The following AFF2 variants were observed in gnomAD, a reference collection of about 807,000 sequenced individuals.
The protein encoded by AFF2 is ALF transcription elongation factor 2.
Under a neutral mutation model 76.9 loss-of-function variants are expected in AFF2, and 14 were observed. The ratio of observed to expected loss-of-function variants is 0.18; its 90% CI spans 0.12 to 0.28. The LOEUF (loss-of-function observed/expected upper bound fraction) is 0.28. Among genes scored for constraint, AFF2 ranks in the 10% least tolerant of loss-of-function variants. The pLI is 1.00. For missense variants in AFF2, 868 were observed against 1,001.1 expected, an observed-to-expected ratio of 0.87 and a Z score of 1.79; for synonymous variants, 398 against 366.7, an observed-to-expected ratio of 1.09 and a Z score of -0.98.
At chrX:148,870,615 G>T (rs1179284638) in intron 7 of AFF2, among the ~76,000 whole-genome samples, 1 of 112,154 alleles carries the variant, frequency 8.9e-6, no homozygotes, top group Non-Finnish European at 1.9e-5. Context: ...TCAAGGGAAG[G>T]TGGCTGTTGT....
At chrX:148,799,012 G>A (rs1278757709) in intron 3 of AFF2, among the ~76,000 whole-genome samples, 1 of 111,841 alleles carries the variant, frequency 8.9e-6, no homozygotes, top group Non-Finnish European at 1.9e-5. Flanking sequence ...GGACCTTGGG[G>A]CCATCTCTCC....
At chrX:148,828,938 T>C (rs1383734674) in intron 4 of AFF2, among the ~76,000 whole-genome samples, 2 of 111,936 alleles carry the variant, frequency 1.8e-5, no homozygotes, top group Non-Finnish European at 3.8e-5. Context: ...TACATTATAA[T>C]TAGGGCTCTT....
chrX:148,693,220 G>T (rs1288169771), intron 3 of AFF2, among the ~76,000 whole-genome samples: 1 of 111,921 alleles, frequency 8.9e-6, no homozygotes, highest in Non-Finnish European at 1.9e-5. Context: ...CCCGGCCAAG[G>T]TGCCAGGTTT....
intron 3 of AFF2, among the ~76,000 whole-genome samples, chrX:148,665,426 A>G (rs1029014182): frequency 3.6e-5 from 4 of 111,869 alleles, no homozygotes; most frequent in African/African-American, 1.3e-4. Flanking sequence ...ATAGGAGATC[A>G]GTGAAGAAAG....
intron 3 of AFF2, among the ~76,000 whole-genome samples, chrX:148,710,365 A>G (rs1294669252): frequency 1.8e-5 from 2 of 112,046 alleles, no homozygotes; most frequent in African/African-American, 6.5e-5. Context: ...CACATAGGCA[A>G]TATAGACTTG....
intron 16 of AFF2, among the ~76,000 whole-genome samples, chrX:148,975,608 T>C (rs920606932): frequency 5.6e-4 from 63 of 111,867 alleles, no homozygotes; most frequent in Non-Finnish European, 1.0e-3. Context: ...CTGCATATTC[T>C]TCTTTCTTAT....
chrX:148,896,139 A>T (rs2071281818), intron 8 of AFF2, among the ~76,000 whole-genome samples: 1 of 111,570 alleles, frequency 9.0e-6, no homozygotes, highest in Non-Finnish European at 1.9e-5. Context: ...TCTTTACTGC[A>T]TCTGCAGAGA....
At chrX:148,676,078 G>A (rs1421763390) in intron 3 of AFF2, among the ~76,000 whole-genome samples, 1 of 32,651 alleles carries the variant, frequency 3.1e-5, no homozygotes, top group African/African-American at 1.1e-4. Flanking sequence ...TTTTTTTTTT[G>A]AGACGGAGTC....
chrX:148,807,282 G>A (rs1265798207), intron 3 of AFF2, among the ~76,000 whole-genome samples: 1 of 111,954 alleles, frequency 8.9e-6, no homozygotes, highest in Non-Finnish European at 1.9e-5. Context: ...AAGACGAGAA[G>A]ACAGGACTTA....
At chrX:148,826,919 C>A (rs782340892) in intron 4 of AFF2, among the ~76,000 whole-genome samples, 1 of 110,611 alleles carries the variant, frequency 9.0e-6, no homozygotes, top group Non-Finnish European at 1.9e-5. Context: ...GAATTTGATA[C>A]CTCTGTTGGT....
intron 1 of AFF2, among the ~76,000 whole-genome samples, chrX:148,561,228 G>T (rs1230928507): frequency 1.5e-4 from 17 of 112,150 alleles, no homozygotes; most frequent in Non-Finnish European, 1.9e-5. Context: ...CATTTTATTA[G>T]TGGATTTACA....
At chrX:148,774,366 C>T (rs1351854283) in intron 3 of AFF2, among the ~76,000 whole-genome samples, 1 of 111,724 alleles carries the variant, frequency 9.0e-6, no homozygotes, top group African/African-American at 3.2e-5. Flanking sequence ...TCATATCCTC[C>T]TTGTATGAGC....
At chrX:148,665,387 A>T (rs1326166100) in intron 3 of AFF2, among the ~76,000 whole-genome samples, 5 of 111,955 alleles carry the variant, frequency 4.5e-5, no homozygotes, top group Non-Finnish European at 5.6e-5. Flanking sequence ...GCTCTGTATG[A>T]AAAATGGGCC....
At chrX:148,711,731 C>T (rs1035218389) in intron 3 of AFF2, among the ~76,000 whole-genome samples, 3 of 111,987 alleles carry the variant, frequency 2.7e-5, no homozygotes, top group African/African-American at 9.7e-5. Context: ...TTATTGAGTT[C>T]AAACCATTGT....
chrX:148,655,693 T>G (rs1018750973), intron 2 of AFF2, among the ~76,000 whole-genome samples: 10 of 112,031 alleles, frequency 8.9e-5, no homozygotes, highest in Non-Finnish European at 1.7e-4. Flanking sequence ...TTGAGCTGCA[T>G]CCACATTCAG....
chrX:148,870,029 G>A (rs180891917), intron 7 of AFF2, among the ~76,000 whole-genome samples: 1 of 111,294 alleles, frequency 9.0e-6, no homozygotes, highest in Non-Finnish European at 1.9e-5. Context: ...AGGTAGGAAC[G>A]CAATTCACCC....
chrX:148,910,467 G>A, intron 9 of AFF2, among the ~76,000 whole-genome samples: 1 of 112,490 alleles, frequency 8.9e-6, no homozygotes, highest in South Asian at 3.7e-4. Context: ...TTAAATACAA[G>A]ATATATGGGG....
chrX:148,893,115 T>A (rs2071243155), intron 8 of AFF2, among the ~76,000 whole-genome samples: 2 of 112,378 alleles, frequency 1.8e-5, no homozygotes, highest in African/African-American at 6.5e-5. Flanking sequence ...ACCCATACAT[T>A]GTCATGCTCA....
chrX:148,668,631 A>G (rs73619957), intron 3 of AFF2, among the ~76,000 whole-genome samples: 5,125 of 112,171 alleles, frequency 0.046, 307 homozygotes, highest in African/African-American at 0.16. Flanking sequence ...ATTCTCTGAA[A>G]TGACAGCCCA....
Sources: allele counts gnomAD v4.1 joint callset (sites outside exome capture counted in the v4.1 genomes callset), GRCh38; gene constraint gnomAD v4.1.1; transcripts MANE v1.5; gene names NCBI Gene and HGNC (gene_info 2026-07-23, HGNC 2026-07-21).